Variants in PRIM2 observed in about 807,000 individuals in gnomAD.
PRIM2 encodes DNA primase subunit 2.
PRIM2 carries 39 observed loss-of-function variants against 67.3 expected under a neutral mutation model. That is an observed-to-expected ratio of 0.58 (90% CI 0.45 to 0.76). PRIM2 has a LOEUF of 0.76. PRIM2 is among the 30% of genes least tolerant of loss of function. PRIM2 has a pLI of 0.00. For missense variants in PRIM2, 398 were observed against 598.7 expected, an observed-to-expected ratio of 0.66 and a Z score of 3.50; for synonymous variants, 143 against 198.7, an observed-to-expected ratio of 0.72 and a Z score of 2.36.
chr6:57,361,021 C>A (rs923344205), intron 5 of PRIM2, among the ~76,000 whole-genome samples: 1 of 151,838 alleles, frequency 6.6e-6, no homozygotes, highest in African/African-American at 2.4e-5. Context: ...TTGGAAGGAG[C>A]GGGTATTTTA....
At position 57,333,665 on chromosome 6, in the gene PRIM2, C is replaced by T. The variant is rs374971447; in HGVS notation, c.459+7620C>T. The stretch of plus-strand genomic sequence containing the variant: ...TGGATTGGTACTCTTATTTTCTTTT[C>T]GGTCCTGACATTCAATCTTTGTGTT... On this transcript the variant is annotated intron_variant, in intron 5 of 13. Coordinates refer to ENST00000615550, the MANE Select transcript of PRIM2 (RefSeq NM_000947.5). Among the ~76,000 whole-genome samples the T allele has an allele frequency of 1.1e-4, 16 of 152,036 alleles. No homozygotes were observed. In the South Asian group the frequency reaches 1.2e-3, roughly 12 times the overall value.
chr6:57,466,203 T>C (rs1478920924), intron 7 of PRIM2, among the ~76,000 whole-genome samples: 2 of 152,254 alleles, frequency 1.3e-5, no homozygotes, highest in Non-Finnish European at 2.9e-5. Context: ...TGCCACATTT[T>C]CTTTATCAAG....
intron 7 of PRIM2, among the ~76,000 whole-genome samples, chr6:57,405,366 AGTAAT>A (rs1252647329): frequency 6.7e-6 from 1 of 150,222 alleles, no homozygotes. Context: ...GACATTGTAA[AGTAAT>A]GATTATGTAT....
chr6:57,237,355 T>G, the PRIM2 span, among the ~76,000 whole-genome samples: 3 of 152,230 alleles, frequency 2.0e-5, no homozygotes, highest in African/African-American at 7.2e-5. Context: ...TTTTCTCCCA[T>G]TCTGTGGGTT....
At chr6:57,355,644 ATTAC>A (rs1769007910) in intron 5 of PRIM2, among the ~76,000 whole-genome samples, 1 of 151,984 alleles carries the variant, frequency 6.6e-6, no homozygotes, top group Admixed American at 6.6e-5. Context: ...CAGAAACTGC[ATTAC>A]TTTTTTCTTT....
At chr6:57,355,549 T>TTC (rs1399885226) in intron 5 of PRIM2, among the ~76,000 whole-genome samples, 1 of 152,168 alleles carries the variant, frequency 6.6e-6, no homozygotes, top group Admixed American at 6.5e-5. Flanking sequence ...GCTTGTCTTT[T>TTC]TCTTAGAGTG....
intron 10 of PRIM2, among the ~76,000 whole-genome samples, chr6:57,585,673 G>A (rs1776175431): frequency 1.3e-5 from 2 of 152,112 alleles, no homozygotes; most frequent in Non-Finnish European, 2.9e-5. Context: ...GTGAGGGTAG[G>A]GGGTTCTCTC....
At chr6:57,294,814 C>CT in the PRIM2 span, among the ~76,000 whole-genome samples, 9,502 of 144,046 alleles carry the variant, frequency 0.066, 306 homozygotes, top group Non-Finnish European at 0.074. Flanking sequence ...CATTTTATGA[C>CT]TTTTTTTTTT....
intron 7 of PRIM2, among the ~76,000 whole-genome samples, chr6:57,397,782 A>G (rs1026772824): frequency 2.6e-5 from 4 of 151,860 alleles, no homozygotes; most frequent in African/African-American, 7.3e-5. Flanking sequence ...AATTCCTTCA[A>G]TTCAGCTCTG....
At position 57,537,517 on chromosome 6, in the gene PRIM2, A is replaced by T; in HGVS notation, c.912A>T (p.Gly304=). The T allele has an allele frequency of 6.3e-7, 1 of 1,576,718 alleles. No homozygotes were observed. The highest frequency in any genetic ancestry group is 8.7e-7 in the Non-Finnish European group (1 of 1,149,902). The change falls in exon 10 of 14, where the codon GGA becomes GGT. Residue 304 remains glycine (G), a synonymous_variant. Coordinates refer to ENST00000615550, the MANE Select transcript of PRIM2 (RefSeq NM_000947.5). ...GGGAAAATCACCATCTTCGTCATGG[A>T]GGCCGAATGCAGTATGGCCTATTTC... is the stretch of plus-strand genomic sequence containing the variant. ...ALRENHHLRH[G]GRMQYGLFLK...
intron 10 of PRIM2, among the ~76,000 whole-genome samples, chr6:57,556,462 T>C (rs1191565562): frequency 1.5e-4 from 23 of 152,094 alleles, no homozygotes; most frequent in Admixed American, 7.2e-4. Flanking sequence ...TGGAACAGAA[T>C]AGAAAGCCCA....
intron 10 of PRIM2, among the ~76,000 whole-genome samples, chr6:57,539,062 A>AAT (rs2127470541): frequency 1.3e-5 from 2 of 152,304 alleles, no homozygotes; most frequent in East Asian, 3.9e-4. Flanking sequence ...AAGCTGTTAT[A>AAT]GTTTTTTCAG....
intron 10 of PRIM2, among the ~76,000 whole-genome samples, chr6:57,545,983 G>A (rs1356647518): frequency 3.8e-4 from 58 of 152,218 alleles, no homozygotes; most frequent in African/African-American, 1.4e-3. Context: ...TAGTAGGCCA[G>A]TAGGAACTGG....
intron 5 of PRIM2, among the ~76,000 whole-genome samples, chr6:57,358,825 A>C (rs1769111806): frequency 6.6e-6 from 1 of 152,174 alleles, no homozygotes; most frequent in Admixed American, 6.5e-5. Context: ...CTCCCAGGAG[A>C]TCATCTTAGC....
At chr6:57,243,284 C>T in the PRIM2 span, among the ~76,000 whole-genome samples, 2 of 152,112 alleles carry the variant, frequency 1.3e-5, no homozygotes, top group African/African-American at 2.4e-5. Context: ...TGTTTGTGTG[C>T]TACTGATGGT....
chr6:57,270,827 T>C, the PRIM2 span, among the ~76,000 whole-genome samples: 2 of 152,208 alleles, frequency 1.3e-5, no homozygotes, highest in South Asian at 4.1e-4. Context: ...ATTGAGAGTT[T>C]TTAGCATGAA....
chr6:57,584,083 C>T (rs1324322631), intron 10 of PRIM2, among the ~76,000 whole-genome samples: 1 of 150,336 alleles, frequency 6.7e-6, no homozygotes, highest in Non-Finnish European at 1.5e-5. Context: ...TTGCTAATAA[C>T]AGTAGTGCAT....
intron 5 of PRIM2, among the ~76,000 whole-genome samples, chr6:57,349,449 G>T (rs1768790696): frequency 1.3e-5 from 2 of 149,782 alleles, no homozygotes; most frequent in South Asian, 2.1e-4. Flanking sequence ...CTATTTTTTT[G>T]TTTTAAATTT....
intron 10 of PRIM2, among the ~76,000 whole-genome samples, chr6:57,557,402 T>C (rs1331076102): frequency 2.6e-5 from 4 of 152,108 alleles, no homozygotes; most frequent in East Asian, 1.9e-4. Flanking sequence ...GTAAAGACAA[T>C]GTGGTACACA....
Sources: gnomAD v4.1 joint callset for allele counts (sites outside exome capture counted in the v4.1 genomes callset) on GRCh38, gnomAD v4.1.1 for gene constraint, MANE v1.5 for transcripts, NCBI Gene and HGNC (gene_info 2026-07-23, HGNC 2026-07-21) for gene names.